ANKS1A: variants seen among roughly 807,000 people sequenced by gnomAD.
ANKS1A encodes the protein ankyrin repeat and SAM domain-containing protein 1A.
Under a neutral mutation model 120.3 loss-of-function variants are expected in ANKS1A, and 55 were observed. The ratio of observed to expected loss-of-function variants is 0.46; its 90% confidence interval spans 0.37 to 0.57. The LOEUF (loss-of-function observed/expected upper bound fraction) is 0.57, where lower values mean the gene tolerates loss of function less well. ANKS1A is among the 20% of genes least tolerant of loss of function. The probability of loss-of-function intolerance (pLI) is 0.00; values close to 1 mark genes in which losing one functional copy is unlikely to be tolerated. For missense variants in ANKS1A, 1,123 were observed against 1,480.3 expected (o/e 0.76, Z 3.96); for synonymous variants, 590 against 604.7 (o/e 0.98, Z 0.36).
intron 11 of ANKS1A, among the ~76,000 whole-genome samples, chr6:35,042,466 G>C (rs1775508686): frequency 6.6e-6 from 1 of 152,192 alleles, no homozygotes; most frequent in African/African-American, 2.4e-5. Flanking sequence ...ACTGGGTGTT[G>C]ACTGAGCCCA....
chr6:35,047,114 G>A (rs1775755853), intron 11 of ANKS1A, among the ~76,000 whole-genome samples: 1 of 152,198 alleles, frequency 6.6e-6, no homozygotes, highest in Non-Finnish European at 1.5e-5. Context: ...CAAGTTCAGA[G>A]GTAATTAGGA....
At chr6:34,981,637 G>C in intron 3 of ANKS1A, 53 bp from the exon 4 acceptor site, 1 of 1,577,618 alleles carries the variant, frequency 6.3e-7, no homozygotes. Context: ...GTCCCAGTCA[G>C]GTGCCTGTCT....
chr6:35,003,155 A>G (rs535449127), intron 10 of ANKS1A, among the ~76,000 whole-genome samples: 3 of 152,246 alleles, frequency 2.0e-5, no homozygotes, highest in South Asian at 4.2e-4. Flanking sequence ...CTATTAAAAA[A>G]TTGAAAAATA....
chr6:34,976,147 A>AAAAAAAAAAAAAAAAAAAG (rs559867720), intron 3 of ANKS1A, among the ~76,000 whole-genome samples: 3 of 145,734 alleles, frequency 2.1e-5, no homozygotes, highest in Non-Finnish European at 3.0e-5. Context: ...AAAAAAAAAA[A>AAAAAAAAAAAAAAAAAAAG]AAAAGAAAAG....
intron 11 of ANKS1A, among the ~76,000 whole-genome samples, chr6:35,020,686 C>T (rs1774290165): frequency 6.6e-6 from 1 of 152,164 alleles, no homozygotes; most frequent in Non-Finnish European, 1.5e-5. Context: ...TTCCTCCTGG[C>T]CAAGAAATAC....
chr6:34,936,313 G>A (rs1045431437), intron 1 of ANKS1A, among the ~76,000 whole-genome samples: 27 of 152,106 alleles, frequency 1.8e-4, no homozygotes, highest in Non-Finnish European at 3.2e-4. Flanking sequence ...TCTGAAGGGC[G>A]CGAGATTCTG....
rs1471417743 is a variant in ANKS1A at position 34,972,526 on chromosome 6, T to C, written c.435+2360T>C. The C allele has an allele frequency of 4.4e-6, 4 of 913,326 alleles. No individual in the cohort carries two copies. In the African/African-American group the frequency reaches 7.2e-5, roughly 16 times the overall value. The allele number at this position is 913,326 out of a possible 1,614,324, so 56.6% of individuals were successfully genotyped here. On this transcript the variant is annotated intron_variant, in intron 3 of 23. Transcript: ENST00000360359. ...GGTTCCCTCAGGGCTGTGTATTGCT[T>C]TGATATATTTCATCCATTTTGTCAT...
intron 1 of ANKS1A, among the ~76,000 whole-genome samples, chr6:34,913,070 T>C (rs574717432): frequency 2.8e-4 from 43 of 152,352 alleles, no homozygotes; most frequent in African/African-American, 1.0e-3. Context: ...AGGCCCTGTG[T>C]TAGGAGCCAG....
chr6:35,051,834 A>C (rs1775986869), intron 11 of ANKS1A, among the ~76,000 whole-genome samples: 1 of 152,254 alleles, frequency 6.6e-6, no homozygotes, highest in Non-Finnish European at 1.5e-5. Context: ...TATTTTTACA[A>C]CTTTAAAAAT....
At chr6:35,068,110 T>C (rs1042302406) in intron 13 of ANKS1A, among the ~76,000 whole-genome samples, 10 of 152,142 alleles carry the variant, frequency 6.6e-5, no homozygotes, top group African/African-American at 2.4e-4. Flanking sequence ...GCCAGGCTGG[T>C]CTTGAACTCC....
intron 16 of ANKS1A, 72 bp from the exon 17 acceptor site, chr6:35,080,922 G>T: frequency 6.4e-7 from 1 of 1,552,988 alleles, no homozygotes; most frequent in East Asian, 2.3e-5. Context: ...CTAACCAGTG[G>T]GGCTGGCTGA....
rs114827906 is a variant in ANKS1A, at chr6:34,970,849, T to A, written c.435+683T>A. Reference sequence around the variant, plus strand: ...CCCCAGGCCCCATCTCTATAAAAAATTAAAAAAAAAAAGGCCGGATGTGGT... The same window carrying A: ...CCCCAGGCCCCATCTCTATAAAAAAATAAAAAAAAAAAGGCCGGATGTGGT... On this transcript the variant is annotated intron_variant, in intron 3 of 23. Coordinates refer to ENST00000360359, the MANE Select transcript of ANKS1A (RefSeq NM_015245.3). Among the ~76,000 whole-genome samples the A allele has an allele frequency of 4.5e-3, 667 of 149,168 alleles. 6 individuals are homozygous for A. Among genetic ancestry groups the A allele is most frequent in the African/African-American group, 0.015 (620 of 40,346 alleles).
At chr6:35,041,922 G>A (rs1775479576) in intron 11 of ANKS1A, among the ~76,000 whole-genome samples, 1 of 152,178 alleles carries the variant, frequency 6.6e-6, no homozygotes, top group Non-Finnish European at 1.5e-5. Flanking sequence ...GAGAAAAAAA[G>A]ACAGAAACCT....
rs117512300 is a variant in ANKS1A, at chr6:35,079,401, C to A, written c.2284-115C>A. On this transcript the variant is annotated intron_variant, in intron 14 of 23. Transcript: ENST00000360359. ...GGGGGCTGGAAGGTGCTGAGGACCC[C>A]AAACACAGAGGGCCCCCTGGCCACA... 593 of 1,382,532 alleles carry A rather than the reference C, an allele frequency of 4.3e-4. 5 individuals carry two copies. The East Asian group carries it at 0.013, about 30-fold the overall frequency. The allele number at this position is 1,382,532 out of a possible 1,614,324, so 85.6% of individuals were successfully genotyped here. A position where few individuals can be genotyped will look rare whatever the true frequency, so the allele number is the denominator to read the frequency against.
intron 1 of ANKS1A, among the ~76,000 whole-genome samples, chr6:34,939,497 C>G (rs1321877911): frequency 1.3e-5 from 2 of 152,136 alleles, no homozygotes; most frequent in African/African-American, 4.8e-5. Context: ...TTATAATATA[C>G]ACTATGGTGA....
Position 35,086,876 on chromosome 6 carries a change from G to C in ANKS1A, c.3304-76G>C, listed in dbSNP as rs1050850863. The C allele has an allele frequency of 7.5e-5, 106 of 1,414,432 alleles. No homozygotes were observed. Among genetic ancestry groups the C allele is most frequent in the Non-Finnish European group, 9.6e-5 (96 of 999,940 alleles). The allele number at this position is 1,414,432 out of a possible 1,614,324, so 87.6% of individuals were successfully genotyped here. On this transcript the variant is annotated intron_variant, in intron 22 of 23. Coordinates refer to ENST00000360359, the MANE Select transcript of ANKS1A (RefSeq NM_015245.3). The surrounding 1 kb of genome is among the most constrained non-coding windows in gnomAD (Gnocchi z 5.1). ...AGCACAGGGGCCACAGCCTGGCCTG[G>C]GGGTGGGAGGGGCCTGCTGCCTCCA...
rs762491318 is a variant in ANKS1A at position 35,028,335 on chromosome 6, A to G, written c.2010+10276A>G. ...CAGAGGACTGGCATCCCATCTTCAC[A>G]CTGTACTTCAAGGGTGGAGATCTCC... On this transcript the variant is annotated intron_variant, in intron 11 of 23. Transcript: ENST00000360359. Among the ~76,000 whole-genome samples the G allele has an allele frequency of 4.6e-5, 7 of 152,214 alleles. No individual in the cohort carries two copies. In the South Asian group the frequency reaches 1.5e-3, roughly 32 times the overall value.
chr6:35,041,503 C>T (rs1228757643), intron 11 of ANKS1A, among the ~76,000 whole-genome samples: 1 of 152,194 alleles, frequency 6.6e-6, no homozygotes, highest in African/African-American at 2.4e-5. Flanking sequence ...AATTTGTACA[C>T]TCCATAATTG....
chr6:34,983,479 A>C, intron 7 of ANKS1A, 54 bp downstream of exon 7: 1 of 1,403,596 alleles, frequency 7.1e-7, no homozygotes, highest in East Asian at 2.3e-5. Context: ...AAAGAGTTGA[A>C]AATTCGTGGG....
Sources: gnomAD v4.1 joint callset for allele counts (sites outside exome capture counted in the v4.1 genomes callset) on GRCh38, gnomAD v4.1.1 for gene constraint, Gnocchi (gnomAD v3.1) non-coding constraint, MANE v1.5 for transcripts, NCBI Gene and HGNC (gene_info 2026-07-23, HGNC 2026-07-21) for gene names.